The following ARNT2 variants were observed in gnomAD, a reference collection of about 807,000 sequenced individuals.
The protein encoded by ARNT2 is ARNT protein 2.
Under a neutral mutation model 91.7 loss-of-function variants are expected in ARNT2, and 36 were observed. The observed-to-expected ratio is 0.39, with a 90% CI of 0.30 to 0.52. The LOEUF (loss-of-function observed/expected upper bound fraction) is 0.52, where lower values mean the gene tolerates loss of function less well. Ranked by LOEUF, ARNT2 falls within the 20% of genes least tolerant of loss-of-function variation. The pLI, the probability that ARNT2 is intolerant of heterozygous loss-of-function variation, is 0.72. For synonymous variants in ARNT2, 365 were observed against 347.1 expected (o/e 1.05, Z -0.57); for missense variants, 775 against 939.3 (o/e 0.83, Z 2.29).
At chr15:80,511,638 A>T (rs947936685) in intron 6 of ARNT2, among the ~76,000 whole-genome samples, 1 of 152,164 alleles carries the variant, frequency 6.6e-6, no homozygotes, top group Non-Finnish European at 1.5e-5. Flanking sequence ...GGGGATTGAC[A>T]TCAATAAAAT....
chr15:80,558,721 T>C (rs1379229449), intron 11 of ARNT2, among the ~76,000 whole-genome samples: 2 of 152,198 alleles, frequency 1.3e-5, no homozygotes, highest in Non-Finnish European at 2.9e-5. Context: ...GCAATCTAAA[T>C]GGATCAAAAC....
At chr15:80,559,541 T>C (rs753380760) in intron 11 of ARNT2, among the ~76,000 whole-genome samples, 2 of 152,230 alleles carry the variant, frequency 1.3e-5, no homozygotes, top group Non-Finnish European at 2.9e-5. Context: ...AGCCAGCTCT[T>C]GAACTCTGGA....
Position 80,404,737 on chromosome 15 carries a change from C to T in ARNT2, c.31+191C>T, listed in dbSNP as rs1362269759. 2.6e-5 allele frequency among the ~76,000 whole-genome samples: 4 copies of T among 152,006 alleles called. No homozygotes were observed. The highest frequency in any genetic ancestry group is 5.9e-5 in the Non-Finnish European group (4 of 67,956). On this transcript the variant is annotated intron_variant, in intron 1 of 18. Transcript: ENST00000303329. This position sits in a 1 kb window ranked among gnomAD's most constrained non-coding sequence, Gnocchi z 5.5. Reference sequence around the variant, plus strand: ...GCGGCATCTGCATCCCAATCGCTGCCCATCCGGTCCCGGGCAGGCGCCGGT... The same window carrying T: ...GCGGCATCTGCATCCCAATCGCTGCTCATCCGGTCCCGGGCAGGCGCCGGT...
chr15:80,519,816 C>G (rs1897505699), intron 8 of ARNT2, among the ~76,000 whole-genome samples: 1 of 149,518 alleles, frequency 6.7e-6, no homozygotes, highest in South Asian at 2.1e-4. Context: ...CTCCGAGTAA[C>G]TGGGACTACA....
intron 8 of ARNT2, among the ~76,000 whole-genome samples, chr15:80,550,063 G>T (rs1898057532): frequency 6.6e-6 from 1 of 152,198 alleles, no homozygotes. Flanking sequence ...GTGAATTCCA[G>T]GACATAGTGT....
chr15:80,531,315 GT>G (rs1157878245), intron 8 of ARNT2, among the ~76,000 whole-genome samples: 2 of 152,194 alleles, frequency 1.3e-5, no homozygotes, highest in African/African-American at 2.4e-5. Context: ...CCAAACAGCA[GT>G]TTCCAGTTAA....
intron 4 of ARNT2, among the ~76,000 whole-genome samples, chr15:80,473,279 A>C (rs1443874508): frequency 6.6e-6 from 1 of 152,142 alleles, no homozygotes; most frequent in African/African-American, 2.4e-5. Flanking sequence ...GGGCACAGGA[A>C]CTTGGTAGTG....
At chr15:80,592,674 C>T (rs774365495) in intron 18 of ARNT2, among the ~76,000 whole-genome samples, 2 of 152,212 alleles carry the variant, frequency 1.3e-5, no homozygotes, top group Admixed American at 6.5e-5. Context: ...TACAGGGGAA[C>T]GGCTCACCCA....
chr15:80,490,909 A>G (rs1314401008), intron 5 of ARNT2, among the ~76,000 whole-genome samples: 1 of 152,238 alleles, frequency 6.6e-6, no homozygotes, highest in Non-Finnish European at 1.5e-5. Context: ...GGCATGTTCT[A>G]AAGAAAAAGA....
intron 5 of ARNT2, among the ~76,000 whole-genome samples, chr15:80,478,324 G>T (rs1265899993): frequency 6.6e-6 from 1 of 152,194 alleles, no homozygotes; most frequent in Non-Finnish European, 1.5e-5. Context: ...TCTGGCCAAG[G>T]GTGTAGCCAG....
chr15:80,564,307 C>T (rs1255812775), intron 12 of ARNT2, among the ~76,000 whole-genome samples: 3 of 152,158 alleles, frequency 2.0e-5, no homozygotes, highest in East Asian at 3.9e-4. Flanking sequence ...AGGCGGTCAC[C>T]ACAGCCTACT....
At chr15:80,497,895 G>C (rs547231212) in intron 5 of ARNT2, among the ~76,000 whole-genome samples, 10 of 152,316 alleles carry the variant, frequency 6.6e-5, no homozygotes, top group African/African-American at 2.4e-4. Context: ...AAGGGGGAAG[G>C]GAAGGACTTT....
intron 12 of ARNT2, among the ~76,000 whole-genome samples, chr15:80,570,996 G>A (rs80138137): frequency 0.017 from 2,610 of 152,262 alleles, 34 homozygotes; most frequent in Middle Eastern, 0.048. Context: ...CAGCACAGAC[G>A]GCATGGCCAG....
chr15:80,485,551 G>C (rs1472617207), intron 5 of ARNT2, among the ~76,000 whole-genome samples: 2 of 152,190 alleles, frequency 1.3e-5, no homozygotes, highest in African/African-American at 4.8e-5. Context: ...AAAAGGCCAG[G>C]AGGGCAACAA....
intron 3 of ARNT2, among the ~76,000 whole-genome samples, chr15:80,468,363 G>A (rs1381894473): frequency 1.3e-5 from 2 of 151,578 alleles, no homozygotes; most frequent in African/African-American, 4.8e-5. Flanking sequence ...TTATCAGCCT[G>A]CCATGCACGA....
intron 8 of ARNT2, among the ~76,000 whole-genome samples, chr15:80,517,214 G>C (rs991287087): frequency 5.9e-5 from 9 of 152,018 alleles, no homozygotes; most frequent in African/African-American, 2.2e-4. Flanking sequence ...GAAATTATGA[G>C]ATATGGAAAT....
intron 11 of ARNT2, among the ~76,000 whole-genome samples, chr15:80,559,355 A>G (rs939292124): frequency 1.3e-5 from 2 of 152,072 alleles, no homozygotes; most frequent in African/African-American, 2.4e-5. Flanking sequence ...CCCCGGCCAC[A>G]GGGCACTGTG....
chr15:80,562,751 C>T (rs944503708), intron 11 of ARNT2: 6 of 303,552 alleles, frequency 2.0e-5, no homozygotes, highest in African/African-American at 8.6e-5. Context: ...CCCTAGCAAC[C>T]GAGGCAAAAA....
chr15:80,572,890 G>T (rs1898608159), intron 12 of ARNT2, among the ~76,000 whole-genome samples: 1 of 152,158 alleles, frequency 6.6e-6, no homozygotes, highest in Admixed American at 6.5e-5. Context: ...CTTCACAGTG[G>T]TTGCTGTCAG....
Sources: gnomAD v4.1 joint callset for allele counts (sites outside exome capture counted in the v4.1 genomes callset) on GRCh38, gnomAD v4.1.1 for gene constraint, Gnocchi (gnomAD v3.1) non-coding constraint, MANE v1.5 for transcripts, NCBI Gene and HGNC (gene_info 2026-07-23, HGNC 2026-07-21) for gene names.